Variants in INPP5F observed in about 807,000 individuals in gnomAD.
INPP5F encodes the protein inositol polyphosphate-5-phosphatase F.
Under a neutral mutation model 137.2 loss-of-function variants are expected in INPP5F, and 97 were observed. The observed-to-expected ratio is 0.71, with a 90% CI of 0.60 to 0.84. The LOEUF (loss-of-function observed/expected upper bound fraction) is 0.84. Ranked by LOEUF, INPP5F falls within the 40% of genes least tolerant of loss-of-function variation. The pLI, the probability that INPP5F is intolerant of heterozygous loss-of-function variation, is 0.00. For synonymous variants in INPP5F, 504 were observed against 476.9 expected, an observed-to-expected ratio of 1.06 and a Z score of -0.74; for missense variants, 1,271 against 1,371.9, an observed-to-expected ratio of 0.93 and a Z score of 1.16.
chr10:119,740,776 C>T (rs1848350605), intron 1 of INPP5F, among the ~76,000 whole-genome samples: 1 of 152,274 alleles, frequency 6.6e-6, no homozygotes. Flanking sequence ...CTCCTGACCT[C>T]ATCATCCTCC....
At position 119,826,538 on chromosome 10, in the gene INPP5F, C is replaced by G. The variant is rs1564858048; in HGVS notation, c.2250-93C>G. ...TGCACTGTTTTCAAGAAGTTGGGAC[C>G]AATTTGAATAACTGTTTTCACTTAT... On this transcript the variant is annotated intron_variant, in intron 19 of 19. Transcript: ENST00000650623. The G allele has an allele frequency of 3.9e-6, 4 of 1,034,498 alleles. No homozygotes were observed. The East Asian group carries it at 9.6e-5, about 25-fold the overall frequency. The allele number at this position is 1,034,498 out of a possible 1,614,324, so 64.1% of individuals were successfully genotyped here. A position where few individuals can be genotyped will look rare whatever the true frequency, so the allele number is the denominator to read the frequency against.
chr10:119,790,937 G>A (rs1425328975), intron 3 of INPP5F, among the ~76,000 whole-genome samples: 1 of 152,122 alleles, frequency 6.6e-6, no homozygotes, highest in Non-Finnish European at 1.5e-5. Flanking sequence ...CCTAATTACT[G>A]CTTCTTCAAG....
At chr10:119,765,966 A>G (rs868740201) in intron 2 of INPP5F, among the ~76,000 whole-genome samples, 1 of 151,880 alleles carries the variant, frequency 6.6e-6, no homozygotes. Flanking sequence ...TAATTATTAT[A>G]AGGGATTGGC....
chr10:119,815,537 A>T (rs1243350903), intron 15 of INPP5F: 3 of 214,406 alleles, frequency 1.4e-5, no homozygotes, highest in Non-Finnish European at 3.0e-5. Context: ...TTCCTGATGT[A>T]TTGTTGGTTG....
chr10:119,776,267 A>G (rs908653625), intron 2 of INPP5F, among the ~76,000 whole-genome samples: 1 of 152,208 alleles, frequency 6.6e-6, no homozygotes, highest in African/African-American at 2.4e-5. Flanking sequence ...TGCAAGGCAT[A>G]TTGAATATCT....
intron 15 of INPP5F, 100 bp downstream of exon 15, chr10:119,812,055 T>A (rs1024891905): frequency 1.1e-6 from 1 of 906,210 alleles, no homozygotes; most frequent in Non-Finnish European, 1.8e-6. Context: ...TGGGCATGGA[T>A]GCATGGCGCG....
rs1393085717 is a variant in INPP5F, at chr10:119,796,821, C to T, written c.776C>T (p.Pro259Leu). 1 of 1,613,248 alleles carries T rather than the reference C, an allele frequency of 6.2e-7. No individual in the cohort carries two copies. The highest frequency in any genetic ancestry group is 8.5e-7 in the Non-Finnish European group (1 of 1,179,720). ...TCATCTGATGATGAGAAAAGCAGCC[C>T]AGAGACCCCCCCTCAGGAGTCCACC... ...TESSDDEKSSPETPPQESTCV... is the reference protein window; with the variant it reads ...TESSDDEKSSLETPPQESTCV... The change falls in exon 7 of 20, where the codon CCA becomes CTA. Residue 259 changes from proline to leucine, a missense_variant. Pro to Leu is a moderately conservative substitution (Grantham distance 98). Around this residue, in one of 6 missense-constraint regions of INPP5F, gnomAD observed 593 missense variants for 712.4 expected, o/e 0.83. Coordinates refer to ENST00000650623, the MANE Select transcript of INPP5F (RefSeq NM_014937.4).
chr10:119,809,647 C>G (rs1850949489), intron 13 of INPP5F, among the ~76,000 whole-genome samples: 1 of 152,214 alleles, frequency 6.6e-6, no homozygotes, highest in Admixed American at 6.5e-5. Flanking sequence ...TGCTTTTCCT[C>G]CCTGTGTAGA....
chr10:119,810,651 T>C (rs1850995276), intron 14 of INPP5F, among the ~76,000 whole-genome samples: 1 of 152,238 alleles, frequency 6.6e-6, no homozygotes, highest in African/African-American at 2.4e-5. Context: ...TCCATAAGCA[T>C]GGTTTATCAG....
intron 1 of INPP5F, among the ~76,000 whole-genome samples, chr10:119,745,732 C>T (rs951886904): frequency 3.1e-5 from 4 of 128,046 alleles, no homozygotes; most frequent in African/African-American, 1.2e-4. Flanking sequence ...TGAGATGAAG[C>T]CTCACTCTGT....
chr10:119,824,499 T>G (rs1234234004), intron 19 of INPP5F, among the ~76,000 whole-genome samples: 1 of 152,162 alleles, frequency 6.6e-6, no homozygotes, highest in African/African-American at 2.4e-5. Flanking sequence ...CACGTGCACT[T>G]CTTAGTGCCT....
chr10:119,726,412 G>C, intron 1 of INPP5F, 53 bp downstream of exon 1: 1 of 1,093,214 alleles, frequency 9.1e-7, no homozygotes, highest in Non-Finnish European at 1.2e-6. Flanking sequence ...GGGGAGAGGA[G>C]GGGGCGCGGC....
chr10:119,748,109 G>A lies in INPP5F; in HGVS notation c.98-2967G>A, dbSNP rs921232330. On this transcript the variant is annotated intron_variant, in intron 1 of 19. Transcript: ENST00000650623. This position sits in a 1 kb window ranked among gnomAD's most constrained non-coding sequence, Gnocchi z 4.7. ...AATGGCAAGCCAGGTGCGGAGTGGC[G>A]AGTGGTGTATGAGCGAGCGTGCACG... 7.2e-5 allele frequency among the ~76,000 whole-genome samples: 11 copies of A among 152,214 alleles called. No homozygotes were observed. Among genetic ancestry groups the A allele is most frequent in the African/African-American group, 1.2e-4 (5 of 41,450 alleles).
At chr10:119,824,163 A>ATTAAT (rs1368335142) in intron 19 of INPP5F, among the ~76,000 whole-genome samples, 4 of 152,162 alleles carry the variant, frequency 2.6e-5, no homozygotes, top group African/African-American at 9.7e-5. Flanking sequence ...GCTTCCCTTT[A>ATTAAT]TATTACCGAC....
At chr10:119,795,754 C>A (rs1020976464) in intron 6 of INPP5F, among the ~76,000 whole-genome samples, 1 of 152,108 alleles carries the variant, frequency 6.6e-6, no homozygotes, top group Non-Finnish European at 1.5e-5. Flanking sequence ...TGTAGCCAGC[C>A]GAGATCATGC....
At chr10:119,790,551 A>ATT (rs1285202225) in intron 3 of INPP5F, among the ~76,000 whole-genome samples, 2 of 152,128 alleles carry the variant, frequency 1.3e-5, no homozygotes, top group African/African-American at 4.8e-5. Context: ...TAAAACAGGG[A>ATT]TTCTCTCTCT....
At chr10:119,763,120 A>G (rs779982338) in intron 2 of INPP5F, among the ~76,000 whole-genome samples, 9 of 152,242 alleles carry the variant, frequency 5.9e-5, no homozygotes, top group Admixed American at 2.6e-4. Context: ...GAGAAATAGG[A>G]AAGAAGAAAG....
intron 2 of INPP5F, among the ~76,000 whole-genome samples, chr10:119,771,701 T>C (rs1849341222): frequency 6.6e-6 from 1 of 151,562 alleles, no homozygotes; most frequent in Non-Finnish European, 1.5e-5. Flanking sequence ...TGAATTTTGA[T>C]GCATCTCCAA....
intron 2 of INPP5F, among the ~76,000 whole-genome samples, chr10:119,770,123 C>A (rs1286373515): frequency 6.6e-6 from 1 of 152,058 alleles, no homozygotes; most frequent in Non-Finnish European, 1.5e-5. Context: ...ATAATCACTT[C>A]CTAATCAGTT....
Sources: gnomAD v4.1 joint callset for allele counts (sites outside exome capture counted in the v4.1 genomes callset) on GRCh38, gnomAD v4.1.1 for gene constraint, gnomAD v4.1.1 regional missense constraint, Gnocchi (gnomAD v3.1) non-coding constraint, MANE v1.5 for transcripts, NCBI Gene and HGNC (gene_info 2026-07-23, HGNC 2026-07-21) for gene names.